Variants in NTM observed in about 807,000 individuals in gnomAD.
NTM encodes IgLON family member 2.
A neutral mutation model predicts 42.1 loss-of-function variants in NTM; 13 were observed. That is an observed-to-expected ratio of 0.31 (90% CI 0.20 to 0.49). The LOEUF is 0.49. Ranked by LOEUF, NTM falls within the 20% of genes least tolerant of loss-of-function variation. NTM has a pLI of 0.99. For synonymous variants in NTM, 187 were observed against 179.2 expected (o/e 1.04, Z -0.35); for missense variants, 373 against 452.8 (o/e 0.82, Z 1.60).
chr11:131,446,505 T>C (rs1950068042), intron 1 of NTM, among the ~76,000 whole-genome samples: 1 of 152,110 alleles, frequency 6.6e-6, no homozygotes, highest in South Asian at 2.1e-4. Flanking sequence ...CAGTACTAGT[T>C]AGAACATTAA....
intron 1 of NTM, among the ~76,000 whole-genome samples, chr11:131,612,698 C>T (rs1416155095): frequency 5.3e-5 from 8 of 152,312 alleles, no homozygotes; most frequent in South Asian, 2.1e-4. Flanking sequence ...CTGACGACAG[C>T]GTGCTAGTGG....
chr11:131,899,232 G>A (rs981024963), intron 1 of NTM, among the ~76,000 whole-genome samples: 1 of 152,122 alleles, frequency 6.6e-6, no homozygotes, highest in African/African-American at 2.4e-5. Context: ...AAGAGTGAAA[G>A]TTGGAGGTCA....
intron 3 of NTM, among the ~76,000 whole-genome samples, chr11:132,156,921 A>G (rs1052966698): frequency 1.2e-4 from 19 of 152,244 alleles, no homozygotes; most frequent in African/African-American, 3.6e-4. Context: ...AAGGCAGTGT[A>G]AAGACGGGAG....
At chr11:132,269,579 G>A (rs1457920342) in intron 4 of NTM, among the ~76,000 whole-genome samples, 1 of 152,104 alleles carries the variant, frequency 6.6e-6, no homozygotes, top group African/African-American at 2.4e-5. Context: ...TATTTTACAG[G>A]CCAGGATTTA....
At chr11:132,163,096 G>A (rs751132157) in intron 3 of NTM, among the ~76,000 whole-genome samples, 4 of 152,152 alleles carry the variant, frequency 2.6e-5, no homozygotes, top group South Asian at 2.1e-4. Context: ...TGGAAGGAGC[G>A]TCTGCAGAGA....
intron 4 of NTM, among the ~76,000 whole-genome samples, chr11:132,259,080 G>C (rs941495346): frequency 4.6e-5 from 7 of 152,146 alleles, no homozygotes; most frequent in Admixed American, 2.0e-4. Flanking sequence ...GTTTCTCTGT[G>C]AGTCACTGCT....
intron 1 of NTM, among the ~76,000 whole-genome samples, chr11:131,373,332 T>C (rs1168523558): frequency 6.6e-6 from 1 of 152,184 alleles, no homozygotes; most frequent in Non-Finnish European, 1.5e-5. Context: ...TCCTCTGTTT[T>C]TGTTTTAAGC....
At position 132,146,437 on chromosome 11, in the gene NTM, A is replaced by G; in HGVS notation, c.323A>G (p.Tyr108Cys). 6.2e-7 allele frequency: 1 copy of G among 1,614,180 alleles called. No homozygotes were observed. ...YSIEIQNVDVYDEGPYTCSVQ... is the reference protein window; with the variant it reads ...YSIEIQNVDVCDEGPYTCSVQ... ...ATCGAGATCCAGAACGTGGATGTGT[A>G]TGACGAGGGCCCTTACACCTGCTCG... is the stretch of plus-strand genomic sequence containing the variant. The change falls in exon 3 of 9, where the codon TAT becomes TGT. Residue 108 changes from tyrosine (Y) to cysteine (C), a missense_variant. Physicochemically the swap from Tyr to Cys is radical, Grantham distance 194 (BLOSUM62 -2). Transcript: ENST00000683400. The surrounding 1 kb of genome is among the most constrained non-coding windows in gnomAD (Gnocchi z 4.5).
chr11:132,289,879 C>T (rs555356414), intron 4 of NTM, among the ~76,000 whole-genome samples: 7 of 152,198 alleles, frequency 4.6e-5, no homozygotes, highest in Non-Finnish European at 7.3e-5. Flanking sequence ...CCTTATCTTT[C>T]CACATCCTCA....
At chr11:131,495,680 G>T (rs375629220) in intron 1 of NTM, among the ~76,000 whole-genome samples, 3 of 152,206 alleles carry the variant, frequency 2.0e-5, no homozygotes, top group Admixed American at 6.5e-5. Context: ...CAGGGTGTGG[G>T]TTGCTCAGGG....
chr11:131,688,756 A>C (rs978628285), intron 1 of NTM, among the ~76,000 whole-genome samples: 1 of 152,186 alleles, frequency 6.6e-6, no homozygotes, highest in Non-Finnish European at 1.5e-5. Flanking sequence ...GCTCCTAGAG[A>C]TCAGACACCC....
intron 2 of NTM, among the ~76,000 whole-genome samples, chr11:132,060,078 C>G (rs898270095): frequency 6.6e-6 from 1 of 152,194 alleles, no homozygotes; most frequent in African/African-American, 2.4e-5. Flanking sequence ...GGATTCTTCC[C>G]TCCACATGAG....
intron 1 of NTM, among the ~76,000 whole-genome samples, chr11:131,607,869 A>G (rs1454078495): frequency 2.1e-5 from 3 of 145,432 alleles, no homozygotes; most frequent in South Asian, 2.2e-4. Flanking sequence ...TTTGATCGGT[A>G]GACATTTTTG....
chr11:132,022,290 T>C (rs1016207004), intron 2 of NTM, among the ~76,000 whole-genome samples: 1 of 152,252 alleles, frequency 6.6e-6, no homozygotes, highest in African/African-American at 2.4e-5. Flanking sequence ...ATGGTTGATT[T>C]TGTCAATTTT....
At position 132,217,680 on chromosome 11, in the gene NTM, C is replaced by T. The variant is rs537093675; in HGVS notation, c.526+5533C>T. ...ATACCAACAGGGCTCAGTAACCTTC[C>T]TCAGCTGCCAGATCTCTTCCTTCCC... is the stretch of plus-strand genomic sequence containing the variant. On this transcript the variant is annotated intron_variant, in intron 4 of 8. Transcript: ENST00000683400. 5.9e-5 allele frequency among the ~76,000 whole-genome samples: 9 copies of T among 152,126 alleles called. No individual in the cohort carries two copies. The East Asian group carries it at 7.8e-4, about 13-fold the overall frequency.
At chr11:131,497,361 G>C (rs999596401) in intron 1 of NTM, among the ~76,000 whole-genome samples, 2 of 111,794 alleles carry the variant, frequency 1.8e-5, no homozygotes, top group Non-Finnish European at 3.8e-5. Flanking sequence ...GCTAACTTTT[G>C]TATTTTTAGT....
chr11:131,749,788 C>T (rs2082258438), intron 1 of NTM, among the ~76,000 whole-genome samples: 1 of 152,086 alleles, frequency 6.6e-6, no homozygotes, highest in Non-Finnish European at 1.5e-5. Flanking sequence ...TTAGTAGAGA[C>T]AGGGTTTCAC....
At chr11:132,079,894 C>T (rs915795958) in intron 2 of NTM, among the ~76,000 whole-genome samples, 1 of 152,138 alleles carries the variant, frequency 6.6e-6, no homozygotes, top group Non-Finnish European at 1.5e-5. Flanking sequence ...TTTTCCTTTG[C>T]TTGAACTGTT....
At chr11:132,296,200 G>A (rs571562856) in intron 4 of NTM, among the ~76,000 whole-genome samples, 37 of 152,318 alleles carry the variant, frequency 2.4e-4, no homozygotes, top group Non-Finnish European at 4.1e-4. Flanking sequence ...TTCACAGGCA[G>A]TTATGGGCCT....
Sources: allele counts gnomAD v4.1 joint callset (sites outside exome capture counted in the v4.1 genomes callset), GRCh38; gene constraint gnomAD v4.1.1; non-coding constraint Gnocchi (gnomAD v3.1); transcripts MANE v1.5; gene names NCBI Gene and HGNC (gene_info 2026-07-23, HGNC 2026-07-21).